The following CDH13 variants were observed in gnomAD, a reference collection of about 807,000 sequenced individuals.
CDH13 encodes cadherin-13.
A neutral mutation model predicts 63.8 loss-of-function variants in CDH13; 24 were observed. The ratio of observed to expected loss-of-function variants is 0.38; its 90% CI spans 0.27 to 0.53. The LOEUF is 0.53. CDH13 is among the 20% of genes least tolerant of loss of function. The pLI is 0.85. For missense variants in CDH13, 1,049 were observed against 903.1 expected, an observed-to-expected ratio of 1.16 and a Z score of -2.07; for synonymous variants, 503 against 355.3, an observed-to-expected ratio of 1.42 and a Z score of -4.67.
intron 6 of CDH13, among the ~76,000 whole-genome samples, chr16:83,425,095 G>A (rs1597989218): frequency 1.3e-5 from 2 of 152,178 alleles, no homozygotes; most frequent in Non-Finnish European, 2.9e-5. Context: ...TCAAGAAAGA[G>A]CTGTGATCCC....
At chr16:82,912,183 C>T (rs1295653323) in intron 2 of CDH13, among the ~76,000 whole-genome samples, 1 of 151,672 alleles carries the variant, frequency 6.6e-6, no homozygotes, top group Non-Finnish European at 1.5e-5. Context: ...CTCTTCTTGT[C>T]TGTGTCCTTC....
At chr16:82,901,057 G>C (rs1283152651) in intron 2 of CDH13, among the ~76,000 whole-genome samples, 1 of 144,574 alleles carries the variant, frequency 6.9e-6, no homozygotes, top group East Asian at 2.2e-4. Flanking sequence ...TTTCACATGA[G>C]CCAAAATGTA....
intron 10 of CDH13, among the ~76,000 whole-genome samples, chr16:83,719,567 A>T (rs528904134): frequency 1.3e-5 from 2 of 152,226 alleles, no homozygotes; most frequent in South Asian, 4.1e-4. Flanking sequence ...GCTTATGAGG[A>T]TGTACTAGGA....
At chr16:83,296,916 A>T (rs1306493632) in intron 5 of CDH13, among the ~76,000 whole-genome samples, 1 of 152,196 alleles carries the variant, frequency 6.6e-6, no homozygotes, top group Non-Finnish European at 1.5e-5. Flanking sequence ...CATATTCCAT[A>T]GATGAAGAAT....
At chr16:83,736,700 T>G (rs1015427970) in intron 10 of CDH13, among the ~76,000 whole-genome samples, 1 of 152,130 alleles carries the variant, frequency 6.6e-6, no homozygotes, top group African/African-American at 2.4e-5. Context: ...CAATCACCCC[T>G]GGAAATAAAT....
intron 7 of CDH13, among the ~76,000 whole-genome samples, chr16:83,514,256 C>T (rs2074647002): frequency 6.6e-6 from 1 of 152,204 alleles, no homozygotes; most frequent in Admixed American, 6.5e-5. Flanking sequence ...CTACCCAGAA[C>T]CTCAGAATGT....
chr16:83,228,418 T>G (rs1356947241), intron 5 of CDH13, among the ~76,000 whole-genome samples: 1 of 152,180 alleles, frequency 6.6e-6, no homozygotes, highest in Non-Finnish European at 1.5e-5. Flanking sequence ...GAAGTCTGTC[T>G]TCATCTCTGG....
intron 5 of CDH13, among the ~76,000 whole-genome samples, chr16:83,319,286 A>G (rs2151892973): frequency 6.6e-6 from 1 of 152,282 alleles, no homozygotes; most frequent in East Asian, 1.9e-4. Context: ...TTTGACCTCT[A>G]GGATTCTCTT....
intron 5 of CDH13, among the ~76,000 whole-genome samples, chr16:83,289,499 G>A (rs1394669077): frequency 3.9e-5 from 6 of 152,164 alleles, no homozygotes; most frequent in Non-Finnish European, 7.3e-5. Context: ...TGCAGCCTGC[G>A]TTGAGAAGCA....
At chr16:83,363,709 C>T (rs184091319) in intron 6 of CDH13, among the ~76,000 whole-genome samples, 5 of 152,284 alleles carry the variant, frequency 3.3e-5, no homozygotes, top group Admixed American at 6.5e-5. Context: ...CAGGATGTTC[C>T]GTCAGCCTGG....
intron 1 of CDH13, among the ~76,000 whole-genome samples, chr16:82,689,414 A>G (rs1439510373): frequency 6.6e-6 from 1 of 152,168 alleles, no homozygotes; most frequent in Non-Finnish European, 1.5e-5. Context: ...TATCATTATC[A>G]TAGTCAGTTT....
intron 2 of CDH13, among the ~76,000 whole-genome samples, chr16:82,969,048 A>T (rs554658856): frequency 5.1e-4 from 78 of 152,348 alleles, no homozygotes; most frequent in South Asian, 3.7e-3. Context: ...CAGAAGTTGC[A>T]GTAAGCCAAG....
intron 6 of CDH13, among the ~76,000 whole-genome samples, chr16:83,481,558 GGGGC>G (rs2073764257): frequency 6.6e-6 from 1 of 152,196 alleles, no homozygotes. Context: ...TCAGGAGGAA[GGGGC>G]TACCTGGCCA....
At chr16:83,015,024 A>G (rs1380539355) in intron 2 of CDH13, among the ~76,000 whole-genome samples, 3 of 151,294 alleles carry the variant, frequency 2.0e-5, no homozygotes, top group Non-Finnish European at 4.4e-5. Context: ...CAGTCATAAA[A>G]AAGCAATCTA....
intron 4 of CDH13, among the ~76,000 whole-genome samples, chr16:83,212,207 G>A (rs1262961875): frequency 6.6e-6 from 1 of 152,140 alleles, no homozygotes; most frequent in Non-Finnish European, 1.5e-5. Flanking sequence ...GCATGGAGTG[G>A]TTTTGAAGCA....
chr16:82,829,272 C>T (rs1187761450), intron 1 of CDH13: 1 of 152,136 alleles, frequency 6.6e-6, no homozygotes, highest in Non-Finnish European at 1.5e-5. Flanking sequence ...CAGGGTTCTT[C>T]TCCGTGTGGA....
At chr16:82,833,460 C>T (rs1416255087) in intron 1 of CDH13, among the ~76,000 whole-genome samples, 2 of 152,196 alleles carry the variant, frequency 1.3e-5, no homozygotes, top group African/African-American at 4.8e-5. Context: ...CCCAGGAACC[C>T]AACAGCCTGT....
rs57586630 is a variant in CDH13 at position 83,570,946 on chromosome 16, C to CATATATATAT, written c.961-31492_961-31483dup. On this transcript the variant is annotated intron_variant, in intron 7 of 13. Transcript: ENST00000567109. ...TACATTCATATATTTATAACTCATC[C>CATATATATAT]ATATATATATATATATATATATATA... Among the ~76,000 whole-genome samples the CATATATATAT allele has an allele frequency of 3.5e-4, 39 of 110,052 alleles. 1 individual carries two copies. Among genetic ancestry groups the CATATATATAT allele is most frequent in the Admixed American group, 6.7e-4 (6 of 8,926 alleles). 72.2% of individuals were successfully genotyped at this position (110,052 alleles called of 152,430 possible).
chr16:83,369,798 C>G lies in CDH13; in HGVS notation c.781+24792C>G, dbSNP rs576047988. On this transcript the variant is annotated intron_variant, in intron 6 of 13. Coordinates refer to ENST00000567109, the MANE Select transcript of CDH13 (RefSeq NM_001257.5). Reference sequence around the variant, plus strand: ...CTAGGTCACTTCCTGTGACCCCACACCAACATCCTTTCTCTAGAAACGGCC... The same window carrying G: ...CTAGGTCACTTCCTGTGACCCCACAGCAACATCCTTTCTCTAGAAACGGCC... Among the ~76,000 whole-genome samples the G allele has an allele frequency of 5.9e-5, 9 of 152,274 alleles. No individual in the cohort carries two copies. In the East Asian group the frequency reaches 1.4e-3, roughly 23 times the overall value.
Sources: allele counts gnomAD v4.1 joint callset (sites outside exome capture counted in the v4.1 genomes callset), GRCh38; gene constraint gnomAD v4.1.1; transcripts MANE v1.5; gene names NCBI Gene and HGNC (gene_info 2026-07-23, HGNC 2026-07-21).